Variants in KCNB2 observed in about 807,000 individuals in gnomAD.
The protein encoded by KCNB2 is delayed rectifier potassium channel protein.
In KCNB2, 15 loss-of-function variants were observed where a neutral mutation model predicts 61.5. That is an observed-to-expected ratio of 0.24 (90% CI 0.16 to 0.38). The LOEUF is 0.38. Ranked by LOEUF, KCNB2 falls within the 10% of genes least tolerant of loss-of-function variation. KCNB2 has a pLI of 1.00. For missense variants in KCNB2, 828 were observed against 1,125.2 expected (o/e 0.74, Z 3.78); for synonymous variants, 457 against 446.0 (o/e 1.02, Z -0.31).
chr8:72,790,947 T>A (rs1808931264), intron 2 of KCNB2, among the ~76,000 whole-genome samples: 1 of 152,224 alleles, frequency 6.6e-6, no homozygotes, highest in South Asian at 2.1e-4. Flanking sequence ...TTATTTAATT[T>A]GTGTTTACTG....
chr8:72,589,907 A>G (rs1310117780), intron 2 of KCNB2, among the ~76,000 whole-genome samples: 2 of 152,226 alleles, frequency 1.3e-5, no homozygotes, highest in Admixed American at 6.5e-5. Flanking sequence ...CTGAGCATTT[A>G]CATTCTGGAA....
At chr8:72,632,749 T>G (rs1311547563) in intron 2 of KCNB2, among the ~76,000 whole-genome samples, 1 of 152,190 alleles carries the variant, frequency 6.6e-6, no homozygotes, top group Non-Finnish European at 1.5e-5. Context: ...ATGCTTAATA[T>G]TCCATCGACA....
At chr8:72,593,900 AT>A (rs199834201) in intron 2 of KCNB2, among the ~76,000 whole-genome samples, 1 of 151,388 alleles carries the variant, frequency 6.6e-6, no homozygotes, top group African/African-American at 2.4e-5. Flanking sequence ...AGAACATTTG[AT>A]TTTTTTTTCA....
intron 2 of KCNB2, among the ~76,000 whole-genome samples, chr8:72,632,812 C>T (rs1284413863): frequency 3.9e-5 from 6 of 152,156 alleles, no homozygotes; most frequent in African/African-American, 1.4e-4. Context: ...ACCTCCAACC[C>T]CCGCCCAATA....
At chr8:72,692,235 C>CAAA (rs34131843) in intron 2 of KCNB2, among the ~76,000 whole-genome samples, 9 of 77,742 alleles carry the variant, frequency 1.2e-4, no homozygotes, top group South Asian at 4.6e-4. Flanking sequence ...GACTCTGTCT[C>CAAA]AAAAAAAAAA....
chr8:72,604,261 A>G (rs1005644589), intron 2 of KCNB2, among the ~76,000 whole-genome samples: 2 of 152,182 alleles, frequency 1.3e-5, no homozygotes, highest in African/African-American at 4.8e-5. Flanking sequence ...ACCTATACAC[A>G]ATGAATGCTC....
intron 2 of KCNB2, among the ~76,000 whole-genome samples, chr8:72,590,251 T>C (rs1305908098): frequency 1.3e-5 from 2 of 152,182 alleles, no homozygotes; most frequent in African/African-American, 4.8e-5. Context: ...TATATATGTA[T>C]ACCATCTACC....
intron 2 of KCNB2, among the ~76,000 whole-genome samples, chr8:72,615,711 T>C (rs1322274456): frequency 6.6e-6 from 1 of 152,192 alleles, no homozygotes; most frequent in Non-Finnish European, 1.5e-5. Flanking sequence ...ATACCTCTAC[T>C]GTACTCTAGA....
chr8:72,670,749 TAATC>T (rs1806549877), intron 2 of KCNB2, among the ~76,000 whole-genome samples: 1 of 152,210 alleles, frequency 6.6e-6, no homozygotes, highest in African/African-American at 2.4e-5. Flanking sequence ...TCCCAGGAAT[TAATC>T]ATTTGCCTTT....
intron 2 of KCNB2, among the ~76,000 whole-genome samples, chr8:72,664,882 A>C (rs867929804): frequency 6.6e-6 from 1 of 152,200 alleles, no homozygotes; most frequent in Admixed American, 6.5e-5. Flanking sequence ...TGTGGAAGCA[A>C]ACCATGTCGA....
chr8:72,851,841 A>AAAAAAAAAAAAAAAC (rs1554539016), intron 2 of KCNB2, among the ~76,000 whole-genome samples: 1 of 111,388 alleles, frequency 9.0e-6, no homozygotes, highest in Non-Finnish European at 1.8e-5. Context: ...AAAAAAAAAA[A>AAAAAAAAAAAAAAAC]AAAAAAACAC....
At chr8:72,868,388 A>T (rs574265625) in intron 2 of KCNB2, among the ~76,000 whole-genome samples, 191 of 151,516 alleles carry the variant, frequency 1.3e-3, no homozygotes, top group African/African-American at 4.4e-3. Context: ...GACCATCCTG[A>T]CCAACATGGT....
chr8:72,568,879 C>T (rs1806667818), intron 2 of KCNB2, among the ~76,000 whole-genome samples: 1 of 151,186 alleles, frequency 6.6e-6, no homozygotes, highest in Non-Finnish European at 1.5e-5. Context: ...CGTACCTCCC[C>T]TTTTGAGGCC....
chr8:72,771,914 A>C (rs938500394), intron 2 of KCNB2, among the ~76,000 whole-genome samples: 1 of 152,202 alleles, frequency 6.6e-6, no homozygotes, highest in Non-Finnish European at 1.5e-5. Context: ...TCCTCAGCAC[A>C]GATTAGTTAG....
At chr8:72,792,491 T>C (rs1256169017) in intron 2 of KCNB2, among the ~76,000 whole-genome samples, 1 of 152,202 alleles carries the variant, frequency 6.6e-6, no homozygotes, top group African/African-American at 2.4e-5. Flanking sequence ...TTTATGTATT[T>C]AACAGATTTT....
At chr8:72,914,802 AG>A (rs1806361382) in intron 2 of KCNB2, among the ~76,000 whole-genome samples, 1 of 152,214 alleles carries the variant, frequency 6.6e-6, no homozygotes, top group African/African-American at 2.4e-5. Flanking sequence ...CCTAAGTATA[AG>A]CATTGTGTTA....
At chr8:72,893,569 T>G (rs1454122337) in intron 2 of KCNB2, among the ~76,000 whole-genome samples, 1 of 152,192 alleles carries the variant, frequency 6.6e-6, no homozygotes, top group African/African-American at 2.4e-5. Flanking sequence ...TCAATCTCCA[T>G]GTATAGTGCT....
chr8:72,589,858 A>T (rs867665486), intron 2 of KCNB2, among the ~76,000 whole-genome samples: 6 of 152,214 alleles, frequency 3.9e-5, no homozygotes, highest in South Asian at 2.1e-4. Flanking sequence ...TTATACAACT[A>T]AGGGCAGGCA....
intron 2 of KCNB2, among the ~76,000 whole-genome samples, chr8:72,927,238 C>T (rs1806669591): frequency 6.6e-6 from 1 of 151,396 alleles, no homozygotes; most frequent in Non-Finnish European, 1.5e-5. Context: ...TCATCCAACT[C>T]TCCAGAAGTG....
Sources: gnomAD v4.1 joint callset for allele counts (sites outside exome capture counted in the v4.1 genomes callset) on GRCh38, gnomAD v4.1.1 for gene constraint, MANE v1.5 for transcripts, NCBI Gene and HGNC (gene_info 2026-07-23, HGNC 2026-07-21) for gene names.